Variants in DIS3L2 observed in about 807,000 individuals in gnomAD.
DIS3L2 encodes the protein DIS3-like exonuclease 2.
Under a neutral mutation model 97.5 loss-of-function variants are expected in DIS3L2, and 34 were observed. The ratio of observed to expected loss-of-function variants is 0.35; its 90% confidence interval spans 0.27 to 0.46. The LOEUF (loss-of-function observed/expected upper bound fraction) is 0.46. Ranked by LOEUF, DIS3L2 falls within the 20% of genes least tolerant of loss-of-function variation. The pLI is 1.00. For missense variants in DIS3L2, 1,038 were observed against 1,146.0 expected (o/e 0.91, Z 1.36); for synonymous variants, 435 against 445.2 (o/e 0.98, Z 0.29).
chr2:231,968,805 G>A (rs937333176), intron 1 of DIS3L2, among the ~76,000 whole-genome samples: 1 of 152,208 alleles, frequency 6.6e-6, no homozygotes, highest in African/African-American at 2.4e-5. Context: ...TTATCCGTAA[G>A]TATTTCATAG....
At chr2:232,083,093 C>T (rs989382712) in intron 5 of DIS3L2, among the ~76,000 whole-genome samples, 1 of 152,018 alleles carries the variant, frequency 6.6e-6, no homozygotes, top group Non-Finnish European at 1.5e-5. Flanking sequence ...AATTACCTCC[C>T]ACCTGGTCCC....
At chr2:231,999,520 C>A (rs956239769) in intron 1 of DIS3L2, among the ~76,000 whole-genome samples, 1 of 152,164 alleles carries the variant, frequency 6.6e-6, no homozygotes, top group African/African-American at 2.4e-5. Context: ...TCTAGCCTTT[C>A]CACTTTTCCA....
intron 8 of DIS3L2, among the ~76,000 whole-genome samples, chr2:232,145,593 A>G (rs1057442950): frequency 1.3e-5 from 2 of 152,220 alleles, no homozygotes; most frequent in Non-Finnish European, 2.9e-5. Flanking sequence ...AATAAAAGCA[A>G]TAGTAGCAGG....
chr2:232,249,401 A>G (rs936681661), intron 12 of DIS3L2, 55 bp downstream of exon 12: 4 of 1,556,654 alleles, frequency 2.6e-6, no homozygotes, highest in South Asian at 1.2e-5. Flanking sequence ...TCCATGAGTC[A>G]TGAAGCACTC....
intron 13 of DIS3L2, among the ~76,000 whole-genome samples, chr2:232,270,843 C>T (rs1349450124): frequency 3.3e-5 from 5 of 151,450 alleles, no homozygotes; most frequent in Admixed American, 1.3e-4. Context: ...GGCGCACTCG[C>T]GCGCTCTCTT....
chr2:232,295,064 G>C (rs1372460315), intron 13 of DIS3L2, among the ~76,000 whole-genome samples: 1 of 151,990 alleles, frequency 6.6e-6, no homozygotes. Flanking sequence ...CAGATATTCA[G>C]CTTGGACCAA....
chr2:232,002,349 G>A (rs1009951447), intron 1 of DIS3L2, among the ~76,000 whole-genome samples: 3 of 151,980 alleles, frequency 2.0e-5, no homozygotes, highest in African/African-American at 7.3e-5. Flanking sequence ...TGCCTATTTG[G>A]GGTCTTTTGT....
At chr2:232,263,092 C>A in intron 12 of DIS3L2, 115 bp from the exon 13 acceptor site, 1 of 1,101,914 alleles carries the variant, frequency 9.1e-7, no homozygotes, top group Non-Finnish European at 1.3e-6. Context: ...ATTCCGAGCA[C>A]ACAGTCAGTG....
In DIS3L2 at chr2:232,309,120, C is replaced by T. The variant is rs908356780; in HGVS notation, c.1739+9001C>T. On this transcript the variant is annotated intron_variant, in intron 14 of 20. Transcript: ENST00000325385. ...CATTATCACAGTGACTCAGGAGCTT[C>T]TTCCCAGGTCACTGCTGGTGAGTCT... Among the ~76,000 whole-genome samples the T allele has an allele frequency of 2.0e-5, 3 of 152,348 alleles. No homozygotes were observed. In the South Asian group the frequency reaches 6.2e-4, roughly 32 times the overall value.
chr2:232,098,410 G>A (rs936430674), intron 6 of DIS3L2, among the ~76,000 whole-genome samples: 1 of 148,726 alleles, frequency 6.7e-6, no homozygotes, highest in Non-Finnish European at 1.5e-5. Context: ...CTGGAGTGCA[G>A]TGACACCATC....
chr2:232,182,559 G>T (rs1553613959), intron 9 of DIS3L2, among the ~76,000 whole-genome samples: 1 of 152,018 alleles, frequency 6.6e-6, no homozygotes, highest in Non-Finnish European at 1.5e-5. Context: ...TCTCCCTTAA[G>T]TTCTGCCATT....
rs556334435 is a variant in DIS3L2, at chr2:232,321,711, A to G, written c.1740-8102A>G. 4.1e-3 allele frequency among the ~76,000 whole-genome samples: 621 copies of G among 152,292 alleles called. 5 individuals are homozygous for G. Among genetic ancestry groups the G allele is most frequent in the African/African-American group, 0.014 (589 of 41,580 alleles). On this transcript the variant is annotated intron_variant, in intron 14 of 20. Transcript: ENST00000325385. Reference sequence around the variant, plus strand: ...GAGGCAACCAGGAGGGGGCAGCCTTATCAGGGAGGCCGTGGCGCGGGCCTG... The same window carrying G: ...GAGGCAACCAGGAGGGGGCAGCCTTGTCAGGGAGGCCGTGGCGCGGGCCTG...
At chr2:232,216,298 C>T (rs1355668382) in intron 10 of DIS3L2, among the ~76,000 whole-genome samples, 2 of 152,350 alleles carry the variant, frequency 1.3e-5, no homozygotes, top group East Asian at 1.9e-4. Flanking sequence ...GAAATTCACT[C>T]ACTCTTCCTT....
chr2:231,988,967 G>A (rs749729708), intron 1 of DIS3L2, among the ~76,000 whole-genome samples: 1 of 152,086 alleles, frequency 6.6e-6, no homozygotes, highest in African/African-American at 2.4e-5. Context: ...TTGATTATAG[G>A]TTCTGAAAGT....
intron 4 of DIS3L2, among the ~76,000 whole-genome samples, chr2:232,028,893 C>G (rs531009182): frequency 6.6e-5 from 10 of 152,230 alleles, no homozygotes; most frequent in African/African-American, 2.4e-4. Context: ...GCTGTCAACC[C>G]ATAGCTAAAC....
Position 232,263,209 on chromosome 2 carries a change from C to T in DIS3L2, c.1428C>T (p.Ile476=), listed in dbSNP as rs1323164902. 1 of 1,614,138 alleles carries T rather than the reference C, an allele frequency of 6.2e-7. No homozygotes were observed. Among genetic ancestry groups the T allele is most frequent in the Non-Finnish European group, 8.5e-7 (1 of 1,179,962 alleles). The part of the protein sequence containing the change: ...VIWTLTPEGK[I]LDEWFGRTII... ...TTGTAATCTGTCCATCTTTGCAGAT[C>T]CTTGATGAATGGTTTGGCCGGACCA... Residue 476 remains isoleucine (I), a splice_region_variant and synonymous_variant, in exon 13 of 21, where the codon ATC becomes ATT. Transcript: ENST00000325385.
chr2:232,087,460 T>G, intron 5 of DIS3L2, 27 bp from the exon 6 acceptor site: 1 of 1,561,076 alleles, frequency 6.4e-7, no homozygotes, highest in East Asian at 2.2e-5. Flanking sequence ...TCTCAGTGAT[T>G]TAGCAGAATT....
intron 5 of DIS3L2, among the ~76,000 whole-genome samples, chr2:232,058,377 C>T (rs1695605436): frequency 6.6e-6 from 1 of 152,138 alleles, no homozygotes; most frequent in Admixed American, 6.5e-5. Flanking sequence ...AAAGGAAATA[C>T]AAGCATTTTG....
At chr2:231,981,233 T>C (rs779430965) in intron 1 of DIS3L2, among the ~76,000 whole-genome samples, 1 of 152,096 alleles carries the variant, frequency 6.6e-6, no homozygotes, top group Non-Finnish European at 1.5e-5. Flanking sequence ...CGTGAACCAC[T>C]GTGGCCAGCC....
Sources: allele counts gnomAD v4.1 joint callset (sites outside exome capture counted in the v4.1 genomes callset), GRCh38; gene constraint gnomAD v4.1.1; transcripts MANE v1.5; gene names NCBI Gene and HGNC (gene_info 2026-07-23, HGNC 2026-07-21).